EYA1: variants seen among roughly 807,000 people sequenced by gnomAD.
EYA1 encodes the protein protein phosphatase EYA1.
In EYA1, 16 loss-of-function variants were observed where a neutral mutation model predicts 82.0. The observed-to-expected ratio is 0.20, with a 90% confidence interval of 0.13 to 0.30. EYA1 has a LOEUF of 0.30. EYA1 is among the 10% of genes least tolerant of loss of function. The pLI is 1.00. For missense variants in EYA1, 633 were observed against 730.7 expected, an observed-to-expected ratio of 0.87 and a Z score of 1.54; for synonymous variants, 261 against 264.4, an observed-to-expected ratio of 0.99 and a Z score of 0.12.
At chr8:71,480,564 GA>G (rs1189996486) in intron 2 of EYA1, among the ~76,000 whole-genome samples, 5 of 146,644 alleles carry the variant, frequency 3.4e-5, no homozygotes, top group Non-Finnish European at 6.0e-5. Context: ...CTTCTAAAGT[GA>G]AAAAAAAAAT....
upstream of EYA1, among the ~76,000 whole-genome samples, chr8:71,363,535 C>G (rs1280957182): frequency 6.6e-6 from 1 of 152,158 alleles, no homozygotes; most frequent in East Asian, 1.9e-4. Context: ...CAGGTCAAAA[C>G]ACAGTTGATT....
chr8:71,269,892 A>G, intron 10 of EYA1, 69 bp from the exon 11 acceptor site: 2 of 1,214,660 alleles, frequency 1.6e-6, no homozygotes, highest in South Asian at 2.4e-5. Context: ...GTTAACTTCA[A>G]CACGAAAAAG....
chr8:71,541,869 T>C (rs1004128560), intron 1 of EYA1, among the ~76,000 whole-genome samples: 2 of 152,174 alleles, frequency 1.3e-5, no homozygotes, highest in Non-Finnish European at 2.9e-5. Flanking sequence ...GTTGTTTTGA[T>C]ACAATATATC....
intron 2 of EYA1, among the ~76,000 whole-genome samples, chr8:71,494,154 T>C (rs1811239778): frequency 6.6e-6 from 1 of 152,144 alleles, no homozygotes; most frequent in Non-Finnish European, 1.5e-5. Context: ...ATTATTATAT[T>C]TAGGCACAAT....
chr8:71,546,757 G>T (rs1339804666), intron 1 of EYA1, among the ~76,000 whole-genome samples: 1 of 152,044 alleles, frequency 6.6e-6, no homozygotes, highest in Non-Finnish European at 1.5e-5. Flanking sequence ...GCCCTCCTGG[G>T]CCTCCCACAG....
intron 16 of EYA1, among the ~76,000 whole-genome samples, chr8:71,213,779 C>T (rs1334389309): frequency 6.6e-6 from 1 of 152,124 alleles, no homozygotes; most frequent in East Asian, 1.9e-4. Flanking sequence ...ACCTGATTTC[C>T]CCATCAGTTA....
chr8:71,299,592 G>A, intron 8 of EYA1, 46 bp downstream of exon 8: 1 of 1,018,708 alleles, frequency 9.8e-7, no homozygotes, highest in Non-Finnish European at 1.6e-6. Context: ...AAATCATGTT[G>A]CATTTAAAGA....
chr8:71,209,245 T>C (rs1261365591), intron 17 of EYA1, among the ~76,000 whole-genome samples: 1 of 152,206 alleles, frequency 6.6e-6, no homozygotes, highest in Non-Finnish European at 1.5e-5. Flanking sequence ...TCTTCAACTC[T>C]CCAGGATTGT....
At chr8:71,234,923 C>A (rs1020781090) in intron 12 of EYA1, among the ~76,000 whole-genome samples, 5 of 152,248 alleles carry the variant, frequency 3.3e-5, no homozygotes, top group South Asian at 2.1e-4. Flanking sequence ...AGCCACCCCC[C>A]AAACACACTC....
upstream of EYA1, among the ~76,000 whole-genome samples, chr8:71,364,985 T>TATATATATATATATAC (rs1563538598): frequency 1.7e-5 from 2 of 117,300 alleles, 1 homozygote; most frequent in Non-Finnish European, 3.4e-5. Context: ...TATATATATA[T>TATATATATATATATAC]ACATATACAC....
chr8:71,436,856 C>T (rs982539972), intron 2 of EYA1, among the ~76,000 whole-genome samples: 2 of 152,102 alleles, frequency 1.3e-5, no homozygotes, highest in African/African-American at 4.8e-5. Context: ...GGTCATCCTG[C>T]TTCAAGCACA....
At chr8:71,274,956 A>ACAAGCG (rs1816982454) in intron 9 of EYA1, among the ~76,000 whole-genome samples, 2 of 151,566 alleles carry the variant, frequency 1.3e-5, no homozygotes, top group African/African-American at 2.4e-5. Context: ...AAGCGAGTGA[A>ACAAGCG]CAAGCGCAAG....
intron 2 of EYA1, among the ~76,000 whole-genome samples, chr8:71,412,934 G>C (rs1005272210): frequency 1.3e-5 from 2 of 152,202 alleles, no homozygotes; most frequent in Admixed American, 6.5e-5. Flanking sequence ...ATACCTTTTG[G>C]GGAGCTGTGC....
chr8:71,457,064 G>A (rs1563633354), intron 2 of EYA1, among the ~76,000 whole-genome samples: 3 of 151,822 alleles, frequency 2.0e-5, no homozygotes, highest in African/African-American at 7.3e-5. Context: ...AAATTTACAA[G>A]AAAAAAACAA....
chr8:71,538,059 C>T (rs1002703889), intron 1 of EYA1, among the ~76,000 whole-genome samples: 1 of 152,178 alleles, frequency 6.6e-6, no homozygotes, highest in Admixed American at 6.6e-5. Flanking sequence ...ATTTACAAAT[C>T]CTCCAGTGCT....
chr8:71,537,179 C>T lies in EYA1; in HGVS notation c.-72-1331G>A, dbSNP rs189076211. Among the ~76,000 whole-genome samples, 463 of 152,110 alleles carry T rather than the reference C, an allele frequency of 3.0e-3. 1 individual carries two copies. Among genetic ancestry groups the T allele is most frequent in the African/African-American group, 0.011 (440 of 41,500 alleles). ...CATAAAGTTGATGCTTTTTGGACAACATAAAACATAAATAACTAGATTCTT... is the reference window on the plus strand; with the variant it reads ...CATAAAGTTGATGCTTTTTGGACAATATAAAACATAAATAACTAGATTCTT... On this transcript the variant is annotated intron_variant, in intron 1 of 18. Coordinates refer to the EYA1 transcript ENST00000643681.
intron 7 of EYA1, among the ~76,000 whole-genome samples, chr8:71,305,150 G>T (rs1316995252): frequency 2.1e-5 from 3 of 142,974 alleles, no homozygotes; most frequent in African/African-American, 7.4e-5. Context: ...TATTTGTAAT[G>T]TTTGGAATTC....
At chr8:71,246,124 C>A (rs959818973) in intron 11 of EYA1, among the ~76,000 whole-genome samples, 1 of 152,166 alleles carries the variant, frequency 6.6e-6, no homozygotes, top group Non-Finnish European at 1.5e-5. Context: ...AGGAAGTATA[C>A]AAGGCTATAA....
chr8:71,358,404 C>T (rs1827091088), intron 1 of EYA1, among the ~76,000 whole-genome samples: 1 of 152,158 alleles, frequency 6.6e-6, no homozygotes, highest in African/African-American at 2.4e-5. Flanking sequence ...ATCTACATTT[C>T]ATTAAGTATA....
Sources: allele counts gnomAD v4.1 joint callset (sites outside exome capture counted in the v4.1 genomes callset), GRCh38; gene constraint gnomAD v4.1.1; transcripts MANE v1.5; gene names NCBI Gene and HGNC (gene_info 2026-07-23, HGNC 2026-07-21).